The following ZNF813 variants were observed in gnomAD, a reference collection of about 807,000 sequenced individuals.
ZNF813 encodes the protein zinc finger protein 813.
ZNF813 carries 3 observed loss-of-function variants against 7.2 expected under a neutral mutation model. The ratio of observed to expected loss-of-function variants is 0.42; its 90% confidence interval spans 0.19 to 1.08. ZNF813 has a LOEUF of 1.08. Among genes scored for constraint, ZNF813 ranks in the 50% least tolerant of loss-of-function variants. The probability of loss-of-function intolerance (pLI) is 0.30; values close to 1 mark genes in which losing one functional copy is unlikely to be tolerated. For missense variants in ZNF813, 714 were observed against 753.3 expected, an observed-to-expected ratio of 0.95 and a Z score of 0.61; for synonymous variants, 227 against 256.3, an observed-to-expected ratio of 0.89 and a Z score of 1.09.
At chr19:53,471,414 A>G (rs143034221) in intron 1 of ZNF813, among the ~76,000 whole-genome samples, 29 of 152,210 alleles carry the variant, frequency 1.9e-4, no homozygotes, top group African/African-American at 6.3e-4. Context: ...GTGTTTTATT[A>G]TAATATTCCT....
Position 53,496,008 on chromosome 19 carries a change from C to A in ZNF813, c.*3922C>A. 2.8e-6 allele frequency: 1 copy of A among 361,466 alleles called. No individual in the cohort carries two copies. The allele number at this position is 361,466 out of a possible 1,614,324, so 22.4% of individuals were successfully genotyped here. On this transcript the variant is annotated 3_prime_UTR_variant, in exon 4 of 4. Coordinates refer to ENST00000396403, the MANE Select transcript of ZNF813 (RefSeq NM_001004301.4). ...AATCAGGTACGACTCCAAAAGGAGA[C>A]ATTGGAGAAGAACGAAGCGGGGTCT...
chr19:53,478,530 C>A (rs1420038019), intron 1 of ZNF813, among the ~76,000 whole-genome samples: 1 of 152,110 alleles, frequency 6.6e-6, no homozygotes, highest in African/African-American at 2.4e-5. Flanking sequence ...GTAAGCCCAG[C>A]ACTTTGGGAG....
chr19:53,483,239 T>A (rs1303271199), intron 1 of ZNF813, among the ~76,000 whole-genome samples: 2 of 151,932 alleles, frequency 1.3e-5, no homozygotes, highest in Non-Finnish European at 2.9e-5. Context: ...AGAGACAGGG[T>A]TTCACCATGT....
chr19:53,469,357 A>G (rs2086344555), intron 1 of ZNF813, among the ~76,000 whole-genome samples: 1 of 152,052 alleles, frequency 6.6e-6, no homozygotes, highest in Admixed American at 6.6e-5. Flanking sequence ...TTCCCTGCCC[A>G]GCTCCAGCCC....
At chr19:53,490,331 C>T (rs2086453107) in intron 3 of ZNF813, 44 bp from the exon 4 acceptor site, 3 of 1,589,094 alleles carry the variant, frequency 1.9e-6, no homozygotes, top group East Asian at 4.5e-5. Flanking sequence ...TATTATTTAC[C>T]ATCTGTACTG....
rs894898394 is a variant in ZNF813 at position 53,470,169 on chromosome 19, TTTTC to T, written c.-74+2397_-74+2400del. Among the ~76,000 whole-genome samples the T allele has an allele frequency of 1.1e-3, 50 of 46,740 alleles. 2 individuals are homozygous for T. The highest frequency in any genetic ancestry group is 1.6e-3 in the African/African-American group (13 of 8,288). The allele number at this position is 46,740 out of a possible 152,430, so 30.7% of individuals were successfully genotyped here. Reference sequence around the variant, plus strand: ...TCTTTCTTTCTTTCTTTTTCTTTTCTTTTCTTTCTTTCTTTCTTTCACTCTTGTT... The same window carrying T: ...TCTTTCTTTCTTTCTTTTTCTTTTCTTTTCTTTCTTTCTTTCACTCTTGTT... On this transcript the variant is annotated intron_variant, in intron 1 of 3. Coordinates refer to ENST00000396403, the MANE Select transcript of ZNF813 (RefSeq NM_001004301.4).
In ZNF813 at chr19:53,486,704, A is replaced by G; in HGVS notation, c.88A>G (p.Arg30Gly). 1.2e-6 allele frequency: 2 copies of G among 1,614,140 alleles called. No individual in the cohort carries two copies. Among genetic ancestry groups the G allele is most frequent in the South Asian group, 2.2e-5 (2 of 91,074 alleles). Residue 30 changes from arginine (R) to glycine (G), a missense_variant, in exon 3 of 4, where the codon AGG becomes GGG. By Grantham distance (125) the Arg-to-Gly change is moderately radical. Around this residue, in one of 3 missense-constraint regions of ZNF813, gnomAD observed 29 missense variants for 52.3 expected, o/e 0.55. Coordinates refer to ENST00000396403, the MANE Select transcript of ZNF813 (RefSeq NM_001004301.4). ...GTGGAAATGCCTGGACCCTGCTCAG[A>G]GGACTCTATACAGGGACGTGATGCT... ...EEWKCLDPAQ[R>G]TLYRDVMLEN...
At position 53,492,614 on chromosome 19, in the gene ZNF813, A is replaced by C. The variant is rs2086469363; in HGVS notation, c.*528A>C. On this transcript the variant is annotated 3_prime_UTR_variant, in exon 4 of 4. Transcript: ENST00000396403. Reference sequence around the variant, plus strand: ...ACTCACCATCAGGCAATCCATGGTGAAGGAAACTTGACTAATGTAATGATT... The same window carrying C: ...ACTCACCATCAGGCAATCCATGGTGCAGGAAACTTGACTAATGTAATGATT... 1.4e-6 allele frequency: 1 copy of C among 727,122 alleles called. No homozygotes were observed. The highest frequency in any genetic ancestry group is 1.8e-5 in the African/African-American group (1 of 55,860). 45.0% of individuals were successfully genotyped at this position (727,122 alleles called of 1,614,324 possible).
intron 1 of ZNF813, among the ~76,000 whole-genome samples, chr19:53,478,416 T>C (rs2708769): frequency 0.78 from 118,520 of 151,976 alleles, 46,688 homozygotes; most frequent in African/African-American, 0.89. Flanking sequence ...AAAGGATCTT[T>C]CTGCCTTGGC....
At chr19:53,485,801 A>T (rs1429069957) in intron 2 of ZNF813, among the ~76,000 whole-genome samples, 1 of 152,122 alleles carries the variant, frequency 6.6e-6, no homozygotes, top group Non-Finnish European at 1.5e-5. Context: ...CTCCACCCTC[A>T]GGCTCAAACC....
intron 1 of ZNF813, among the ~76,000 whole-genome samples, chr19:53,480,495 G>A (rs1410773820): frequency 6.6e-6 from 1 of 151,018 alleles, no homozygotes; most frequent in Non-Finnish European, 1.5e-5. Context: ...TTAGATTTTT[G>A]AAAGACAATT....
rs184097396 is a variant in ZNF813 at position 53,492,038 on chromosome 19, T to C, written c.1806T>C (p.Thr602=). Residue 602 remains threonine, a synonymous_variant, in exon 4 of 4, where the codon ACT becomes ACC. Coordinates refer to ENST00000396403, the MANE Select transcript of ZNF813 (RefSeq NM_001004301.4). ...TTGCACGTCATCATAGACTTCATAC[T>C]GGAGAGAAACCTTACAAGTTTAATG... ...ANLARHHRLH[T]GEKPYKFNEC... is the part of the protein sequence containing the mutation. 7 of 1,613,952 alleles carry C rather than the reference T, an allele frequency of 4.3e-6. No homozygotes were observed. Among genetic ancestry groups the C allele is most frequent in the Non-Finnish European group, 5.9e-6 (7 of 1,179,990 alleles).
intron 1 of ZNF813, among the ~76,000 whole-genome samples, chr19:53,473,035 T>A (rs1423472819): frequency 6.6e-6 from 1 of 152,172 alleles, no homozygotes; most frequent in Admixed American, 6.5e-5. Flanking sequence ...CACATTTCTA[T>A]AGTTGCTTTT....
chr19:53,488,020 A>G (rs1009716589), intron 3 of ZNF813, among the ~76,000 whole-genome samples: 6 of 152,040 alleles, frequency 3.9e-5, no homozygotes, highest in Non-Finnish European at 5.9e-5. Flanking sequence ...TTGCCTATTC[A>G]TTTATTTATT....
Position 53,492,930 on chromosome 19 carries a change from A to C in ZNF813, c.*844A>C. 1 of 481,826 alleles carries C rather than the reference A, an allele frequency of 2.1e-6. No individual in the cohort carries two copies. The highest frequency in any genetic ancestry group is 4.3e-6 in the Non-Finnish European group (1 of 234,710). 29.8% of individuals were successfully genotyped at this position (481,826 alleles called of 1,614,324 possible). Reference sequence around the variant, plus strand: ...TCACGTTCACACCTCCTTAGACATCAGAGAATGCACACTGGACGGAAATCT... The same window carrying C: ...TCACGTTCACACCTCCTTAGACATCCGAGAATGCACACTGGACGGAAATCT... On this transcript the variant is annotated 3_prime_UTR_variant, in exon 4 of 4. Transcript: ENST00000396403.
rs150459541 is a variant in ZNF813, at chr19:53,477,715, G to A, written c.-73-6035G>A. 8.2e-3 allele frequency among the ~76,000 whole-genome samples: 1,249 copies of A among 152,206 alleles called. 11 individuals carry two copies. The highest frequency in any genetic ancestry group is 0.014 in the Non-Finnish European group (950 of 68,004). ...GCACACCTGTACTCCCAGCTACTCT[G>A]GAGGCCGAGGCAGGAGGATCACTTG... On this transcript the variant is annotated intron_variant, in intron 1 of 3. Coordinates refer to ENST00000396403, the MANE Select transcript of ZNF813 (RefSeq NM_001004301.4).
intron 2 of ZNF813, among the ~76,000 whole-genome samples, chr19:53,484,875 A>G (rs1450988544): frequency 6.6e-6 from 1 of 152,220 alleles, no homozygotes; most frequent in Non-Finnish European, 1.5e-5. Context: ...CCCACCAATT[A>G]TTATTAAATA....
intron 1 of ZNF813, among the ~76,000 whole-genome samples, chr19:53,473,675 G>T (rs1274900074): frequency 6.6e-6 from 1 of 152,194 alleles, no homozygotes; most frequent in Non-Finnish European, 1.5e-5. Context: ...GCGGTGTACT[G>T]GATCTGTCAG....
At chr19:53,487,087 G>T (rs1208990594) in intron 3 of ZNF813, among the ~76,000 whole-genome samples, 2 of 151,268 alleles carry the variant, frequency 1.3e-5, no homozygotes, top group Non-Finnish European at 2.9e-5. Context: ...GAGTAACTGG[G>T]ATTACAGGCA....
Sources: gnomAD v4.1 joint callset for allele counts (sites outside exome capture counted in the v4.1 genomes callset) on GRCh38, gnomAD v4.1.1 for gene constraint, gnomAD v4.1.1 regional missense constraint, MANE v1.5 for transcripts, NCBI Gene and HGNC (gene_info 2026-07-23, HGNC 2026-07-21) for gene names.